SLC12A1: variants seen among roughly 807,000 people sequenced by gnomAD.
The protein encoded by SLC12A1 is solute carrier family 12 member 1, also known as Na-K-2Cl cotransporter.
In SLC12A1, 89 loss-of-function variants were observed where a neutral mutation model predicts 130.4. That is an observed-to-expected ratio of 0.68 (90% CI 0.58 to 0.81). The LOEUF is 0.81. SLC12A1 is among the 40% of genes least tolerant of loss of function. SLC12A1 has a pLI of 0.00. For missense variants in SLC12A1, 1,310 were observed against 1,336.4 expected, an observed-to-expected ratio of 0.98 and a Z score of 0.31; for synonymous variants, 499 against 460.0, an observed-to-expected ratio of 1.08 and a Z score of -1.09.
At chr15:48,280,849 T>TAC (rs149293315) in intron 20 of SLC12A1, among the ~76,000 whole-genome samples, 63 of 151,556 alleles carry the variant, frequency 4.2e-4, no homozygotes, top group Admixed American at 2.1e-3. Flanking sequence ...CACACACACA[T>TAC]ACACACACAC....
At chr15:48,285,348 T>C in intron 21 of SLC12A1, 99 bp downstream of exon 21, 1 of 1,167,990 alleles carries the variant, frequency 8.6e-7, no homozygotes, top group South Asian at 1.4e-5. Flanking sequence ...GTTGGGAGCA[T>C]TGAGTGTGGG....
chr15:48,211,345 T>A (rs1218266221), intron 2 of SLC12A1, among the ~76,000 whole-genome samples: 7 of 152,218 alleles, frequency 4.6e-5, no homozygotes, highest in African/African-American at 1.7e-4. Flanking sequence ...TGCTAATGAA[T>A]TTGACTCAGC....
At chr15:48,251,449 G>C (rs1204014604) in intron 14 of SLC12A1, among the ~76,000 whole-genome samples, 166 bp from the exon 15 acceptor site, 4 of 152,066 alleles carry the variant, frequency 2.6e-5, no homozygotes, top group Admixed American at 1.3e-4. Flanking sequence ...CATCTTCATA[G>C]ACCAGGGACC....
intron 13 of SLC12A1, among the ~76,000 whole-genome samples, chr15:48,248,455 A>G (rs2041608810): frequency 6.6e-6 from 1 of 152,276 alleles, no homozygotes; most frequent in African/African-American, 2.4e-5. Flanking sequence ...AGTCTTGTAT[A>G]CATTAGATAA....
chr15:48,261,147 A>G (rs2041769876), intron 17 of SLC12A1, among the ~76,000 whole-genome samples: 1 of 152,200 alleles, frequency 6.6e-6, no homozygotes, highest in Admixed American at 6.5e-5. Flanking sequence ...TTGATGAAAT[A>G]AGCAGTTTGG....
chr15:48,233,797 T>A (rs1208673807), intron 8 of SLC12A1, among the ~76,000 whole-genome samples: 6 of 152,190 alleles, frequency 3.9e-5, no homozygotes, highest in African/African-American at 1.4e-4. Flanking sequence ...TCTATTATTT[T>A]CCCTCCCTTC....
rs778393084 is a variant in SLC12A1, at chr15:48,207,700, TA to T, written c.-14del. The T allele has an allele frequency of 4.7e-5, 72 of 1,529,594 alleles. No individual in the cohort carries two copies. The African/African-American group carries it at 7.5e-4, about 16-fold the overall frequency. The allele number at this position is 1,529,594 out of a possible 1,614,324, so 94.8% of individuals were successfully genotyped here. On this transcript the variant is annotated 5_prime_UTR_variant, in exon 2 of 27. Coordinates refer to ENST00000380993, the MANE Select transcript of SLC12A1 (RefSeq NM_000338.3). Reference sequence around the variant, plus strand: ...AACAACCACAAAGTAGATAGCTCAGTAAAAAATCAATTTTGGAAGATGTCAC... The same window carrying T: ...AACAACCACAAAGTAGATAGCTCAGTAAAAATCAATTTTGGAAGATGTCAC...
chr15:48,288,926 C>T (rs2042088313), intron 23 of SLC12A1, among the ~76,000 whole-genome samples: 1 of 152,074 alleles, frequency 6.6e-6, no homozygotes, highest in African/African-American at 2.4e-5. Context: ...ACTCTTAGAA[C>T]AGCATATGTA....
In SLC12A1 at chr15:48,286,401, A is replaced by C. The variant is rs191286587; in HGVS notation, c.2629+1152A>C. The stretch of plus-strand genomic sequence containing the variant: ...AAGCTACATCAGGACTTTTAGGGTG[A>C]AAATATTTAAATAAGACTGTTCTGG... On this transcript the variant is annotated intron_variant, in intron 21 of 26. Coordinates refer to ENST00000380993, the MANE Select transcript of SLC12A1 (RefSeq NM_000338.3). Among the ~76,000 whole-genome samples, 7 of 152,346 alleles carry C rather than the reference A, an allele frequency of 4.6e-5. No individual in the cohort carries two copies. The East Asian group carries it at 1.4e-3, about 29-fold the overall frequency.
At chr15:48,288,666 A>T (rs2042085832) in intron 23 of SLC12A1, 150 bp downstream of exon 23, 3 of 565,274 alleles carry the variant, frequency 5.3e-6, no homozygotes, top group African/African-American at 3.8e-5. Flanking sequence ...TTATCTGGTC[A>T]GTAAATTATT....
chr15:48,220,134 G>GAT (rs1277470140), intron 2 of SLC12A1, among the ~76,000 whole-genome samples: 6 of 110,754 alleles, frequency 5.4e-5, no homozygotes, highest in African/African-American at 2.4e-4. Context: ...AAAAAAGGTA[G>GAT]ATAGATAGAT....
intron 15 of SLC12A1, 39 bp downstream of exon 15, chr15:48,251,809 C>T (rs1166297854): frequency 1.3e-6 from 2 of 1,578,364 alleles, no homozygotes; most frequent in South Asian, 1.1e-5. Flanking sequence ...TTCCAAATCT[C>T]TCTCTAACTA....
intron 17 of SLC12A1, among the ~76,000 whole-genome samples, chr15:48,262,406 G>A (rs190600958): frequency 3.3e-5 from 5 of 151,944 alleles, no homozygotes; most frequent in African/African-American, 1.2e-4. Flanking sequence ...ACTGCAGCAT[G>A]GTAAATCATT....
chr15:48,236,939 C>T (rs1254169013), intron 9 of SLC12A1: 1 of 672,808 alleles, frequency 1.5e-6, no homozygotes, highest in East Asian at 2.7e-5. Context: ...AGATGTATAG[C>T]AGTCAGTTCC....
chr15:48,267,673 T>G lies in SLC12A1; in HGVS notation c.2267T>G (p.Phe756Cys), dbSNP rs1566848389. ...TATGCTGCAGTGGCGGCAGACTGTT[T>G]CAGGGATGGTGTCCGAAGTCTTCTT... ...AFYAAVAADCFRDGVRSLLQA... is the reference protein window; with the variant it reads ...AFYAAVAADCCRDGVRSLLQA... The change falls in exon 18 of 27, where the codon TTC (phenylalanine) becomes TGC (cysteine). Residue 756 changes from phenylalanine (F) to cysteine (C), a missense_variant. By Grantham distance (205) the Phe-to-Cys change is radical. Coordinates refer to ENST00000380993, the MANE Select transcript of SLC12A1 (RefSeq NM_000338.3). 3 of 1,613,500 alleles carry G rather than the reference T, an allele frequency of 1.9e-6. No homozygotes were observed. The highest frequency in any genetic ancestry group is 2.2e-5 in the East Asian group (1 of 44,872).
chr15:48,251,577 T>A (rs760831741), intron 14 of SLC12A1, 38 bp from the exon 15 acceptor site: 1 of 1,545,212 alleles, frequency 6.5e-7, no homozygotes, highest in Non-Finnish European at 8.9e-7. Context: ...ATGATCATAG[T>A]AGAGTGGAAG....
chr15:48,245,630 T>C (rs573211907), intron 11 of SLC12A1, among the ~76,000 whole-genome samples: 2 of 152,248 alleles, frequency 1.3e-5, no homozygotes, highest in Admixed American at 6.5e-5. Flanking sequence ...TAGTATTGCA[T>C]GGTGTATGTG....
chr15:48,301,879 T>C (rs2042237284), intron 26 of SLC12A1, among the ~76,000 whole-genome samples: 1 of 152,208 alleles, frequency 6.6e-6, no homozygotes, highest in Non-Finnish European at 1.5e-5. Context: ...TAGGGTTGCG[T>C]CTACTGAAAA....
In SLC12A1 at chr15:48,207,809, T is replaced by C. The variant is rs143744003; in HGVS notation, c.90T>C (p.His30=). The part of the protein sequence containing the change: ...RFQVSVINEN[H]ESSAAADDNT... ...AAGTTAGTGTCATAAATGAGAACCA[T>C]GAGAGCAGTGCAGCTGCAGATGACA... Residue 30 remains histidine, a synonymous_variant, in exon 2 of 27, where the codon CAT becomes CAC. Coordinates refer to ENST00000380993, the MANE Select transcript of SLC12A1 (RefSeq NM_000338.3). 28 of 1,613,786 alleles carry C rather than the reference T, an allele frequency of 1.7e-5. No individual in the cohort carries two copies. The African/African-American group carries it at 3.3e-4, about 19-fold the overall frequency.
Sources: allele counts gnomAD v4.1 joint callset (sites outside exome capture counted in the v4.1 genomes callset), GRCh38; gene constraint gnomAD v4.1.1; transcripts MANE v1.5; gene names NCBI Gene and HGNC (gene_info 2026-07-23, HGNC 2026-07-21).